NAA16: variants seen among roughly 807,000 people sequenced by gnomAD.
The protein encoded by NAA16 is N-alpha-acetyltransferase 16, NatA auxiliary subunit.
Under a neutral mutation model 110.3 loss-of-function variants are expected in NAA16, and 97 were observed. That is an observed-to-expected ratio of 0.88 (90% CI 0.75 to 1.04). NAA16 has a LOEUF of 1.04. NAA16 is among the 50% of genes least tolerant of loss of function. The pLI is 0.00. For missense variants in NAA16, 1,017 were observed against 1,005.1 expected (o/e 1.01, Z -0.16); for synonymous variants, 372 against 330.6 (o/e 1.13, Z -1.36).
chr13:41,374,483 C>A, intron 18 of NAA16: 1 of 262,948 alleles, frequency 3.8e-6, no homozygotes, highest in South Asian at 1.1e-4. Flanking sequence ...TAATAACCAT[C>A]ATTTTGTGAA....
At chr13:41,369,464 C>T (rs1028645250) in intron 15 of NAA16, among the ~76,000 whole-genome samples, 181 bp downstream of exon 15, 8 of 152,158 alleles carry the variant, frequency 5.3e-5, no homozygotes, top group African/African-American at 1.9e-4. Context: ...GCAAGTTATA[C>T]ATAGAATTGC....
At position 41,374,757 on chromosome 13, in the gene NAA16, A is replaced by G. The variant is rs377578590; in HGVS notation, c.2315A>G (p.Tyr772Cys). The G allele has an allele frequency of 1.2e-5, 20 of 1,610,840 alleles. No individual in the cohort carries two copies. The Middle Eastern group carries it at 1.3e-3, about 107-fold the overall frequency. The change falls in exon 19 of 20, where the codon TAT becomes TGT. Residue 772 changes from tyrosine to cysteine, a missense_variant. Coordinates refer to ENST00000379406, the MANE Select transcript of NAA16 (RefSeq NM_024561.5). The part of the protein sequence containing the change: ...QHLLSGAKMM[Y>C]FLDKSRQEKA... ...GGTATTTCAGGTGCTAAAATGATGT[A>G]TTTTCTGGACAAGTCAAGGCAGGAG...
chr13:41,358,124 T>C (rs2043033391), intron 10 of NAA16, among the ~76,000 whole-genome samples, 180 bp from the exon 11 acceptor site: 1 of 152,232 alleles, frequency 6.6e-6, no homozygotes, highest in Non-Finnish European at 1.5e-5. Context: ...TTTCTCTACA[T>C]GGCTGCCACT....
chr13:41,347,000 C>T (rs1423880850), intron 9 of NAA16, among the ~76,000 whole-genome samples: 1 of 151,894 alleles, frequency 6.6e-6, no homozygotes, highest in East Asian at 1.9e-4. Flanking sequence ...GGGTGGATCA[C>T]GAGGTCAAGA....
Position 41,367,644 on chromosome 13 carries a change from TA to T in NAA16, c.1748del (p.Asn583ThrfsTer10). 6.2e-7 allele frequency: 1 copy of T among 1,600,630 alleles called. No homozygotes were observed. The highest frequency in any genetic ancestry group is 8.5e-7 in the Non-Finnish European group (1 of 1,171,222). On this transcript the variant is annotated frameshift_variant, in exon 14 of 20. Transcript: ENST00000379406. LOFTEE classifies it high-confidence loss of function. ...PLTNESKQQE[I>X]NSENLSAKEL... ...ACCAATGAAAGCAAACAACAAGAAA[TA>T]AACTCAGGTAACTGAATAGGAACTT...
chr13:41,372,283 G>GT lies in NAA16; in HGVS notation c.2030dup (p.Leu677PhefsTer4). The GT allele has an allele frequency of 6.3e-7, 1 of 1,596,410 alleles. No homozygotes were observed. The highest frequency in any genetic ancestry group is 8.5e-7 in the Non-Finnish European group (1 of 1,172,794). ...TTGCTGATAACATTGACACTCATCTGTTAGCATTTGAAATATATTTTAGAA... is the reference window on the plus strand; with the variant it reads ...TTGCTGATAACATTGACACTCATCTGTTTAGCATTTGAAATATATTTTAGAA... On this transcript the variant is annotated frameshift_variant, in exon 16 of 20. Coordinates refer to ENST00000379406, the MANE Select transcript of NAA16 (RefSeq NM_024561.5). LOFTEE classifies it high-confidence loss of function.
At chr13:41,368,970 G>T in intron 14 of NAA16, 120 bp from the exon 15 acceptor site, 1 of 731,850 alleles carries the variant, frequency 1.4e-6, no homozygotes, top group South Asian at 2.5e-5. Context: ...TGGGGGTGGG[G>T]GTCATGAACC....
In NAA16 at chr13:41,311,533, C is replaced by T; in HGVS notation, c.5C>T (p.Pro2Leu). The change falls in exon 1 of 20, where the codon CCG (proline) becomes CTG (leucine). Residue 2 changes from proline (P) to leucine (L), a missense_variant. By Grantham distance (98) the Pro-to-Leu change is moderately conservative (BLOSUM62 -3). Coordinates refer to ENST00000379406, the MANE Select transcript of NAA16 (RefSeq NM_024561.5). ...CTAGCCTCCCTGCCGGCCACGATGC[C>T]GAACGTGCTGCTGCCGCCCAAGGAG... is the stretch of plus-strand genomic sequence containing the variant. M[P>L]NVLLPPKESN... 6.2e-7 allele frequency: 1 copy of T among 1,605,092 alleles called. No homozygotes were observed. Among genetic ancestry groups the T allele is most frequent in the Non-Finnish European group, 8.5e-7 (1 of 1,176,370 alleles).
At chr13:41,339,765 G>C (rs2042485614) in intron 9 of NAA16, among the ~76,000 whole-genome samples, 1 of 152,024 alleles carries the variant, frequency 6.6e-6, no homozygotes, top group Non-Finnish European at 1.5e-5. Context: ...TCATGATGTT[G>C]ACCAGGGTGG....
In NAA16 at chr13:41,355,233, T is replaced by C. The variant is rs995903802; in HGVS notation, c.1087+17T>C. ...GCCCATATGGTAAGTTTAAATTAGA[T>C]TGAATTGGAATTTGATTACTCATTT... On this transcript the variant is annotated intron_variant, in intron 10 of 19. Coordinates refer to ENST00000379406, the MANE Select transcript of NAA16 (RefSeq NM_024561.5). 3 of 1,458,788 alleles carry C rather than the reference T, an allele frequency of 2.1e-6. No homozygotes were observed. Among genetic ancestry groups the C allele is most frequent in the African/African-American group, 2.9e-5 (2 of 69,860 alleles). 90.4% of individuals were successfully genotyped at this position (1,458,788 alleles called of 1,614,324 possible).
At chr13:41,369,348 G>A (rs1247877350) in intron 15 of NAA16, 65 bp downstream of exon 15, 2 of 1,318,114 alleles carry the variant, frequency 1.5e-6, no homozygotes, top group East Asian at 5.1e-5. Flanking sequence ...CGTTCTGACA[G>A]TTAACATGAT....
intron 13 of NAA16, among the ~76,000 whole-genome samples, chr13:41,364,039 A>G (rs1173413064): frequency 6.6e-6 from 1 of 150,834 alleles, no homozygotes; most frequent in Non-Finnish European, 1.5e-5. Context: ...TAAATTTTCT[A>G]ATCTAAAATT....
chr13:41,311,310 G>A lies in NAA16; in HGVS notation c.-219G>A. 1.8e-6 allele frequency: 1 copy of A among 547,152 alleles called. No homozygotes were observed. Among genetic ancestry groups the A allele is most frequent in the African/African-American group, 2.0e-5 (1 of 49,940 alleles). The allele number at this position is 547,152 out of a possible 1,614,324, so 33.9% of individuals were successfully genotyped here. On this transcript the variant is annotated 5_prime_UTR_variant, in exon 1 of 20. Transcript: ENST00000379406. ...CGCCGCCGCCGCTGGCCAAAAAGCGGAGCCCAGGGGAAGCGTGTCCTGCTC... is the reference window on the plus strand; with the variant it reads ...CGCCGCCGCCGCTGGCCAAAAAGCGAAGCCCAGGGGAAGCGTGTCCTGCTC...
chr13:41,350,547 C>T (rs376374106), intron 9 of NAA16, among the ~76,000 whole-genome samples: 4 of 151,260 alleles, frequency 2.6e-5, no homozygotes, highest in East Asian at 1.9e-4. Flanking sequence ...CCACCCGCCT[C>T]GGCCTCCCAA....
rs372200706 is a variant in NAA16, at chr13:41,328,683, T to C, written c.692-41T>C. The C allele has an allele frequency of 2.6e-6, 4 of 1,528,054 alleles. No homozygotes were observed. The South Asian group carries it at 3.5e-5, about 13-fold the overall frequency. 94.7% of individuals were successfully genotyped at this position (1,528,054 alleles called of 1,614,324 possible). On this transcript the variant is annotated intron_variant, in intron 6 of 19. Transcript: ENST00000379406. ...TGAAGTCCCTGGGGTCAGATAGATA[T>C]TTAATGTTTAAAATGAATATGTCTT... is the stretch of plus-strand genomic sequence containing the variant.
intron 1 of NAA16, among the ~76,000 whole-genome samples, chr13:41,315,838 T>TGCACAGTGCAGTGGCACA (rs1393529759): frequency 1.5e-4 from 23 of 152,060 alleles, no homozygotes; most frequent in African/African-American, 4.8e-4. Context: ...GGCACAGTCA[T>TGCACAGTGCAGTGGCACA]GCCTTACTGC....
rs368632453 is a variant in NAA16 at position 41,372,331 on chromosome 13, C to G, written c.2056+20C>G. ...GAAAAGGTAATAAATAGTTTGAGTTCAGTTTTTAATCTTTAATTATATTTG... is the reference window on the plus strand; with the variant it reads ...GAAAAGGTAATAAATAGTTTGAGTTGAGTTTTTAATCTTTAATTATATTTG... On this transcript the variant is annotated intron_variant, in intron 16 of 19. Coordinates refer to ENST00000379406, the MANE Select transcript of NAA16 (RefSeq NM_024561.5). 7 of 1,553,694 alleles carry G rather than the reference C, an allele frequency of 4.5e-6. No individual in the cohort carries two copies. Among genetic ancestry groups the G allele is most frequent in the South Asian group, 1.2e-5 (1 of 80,858 alleles).
chr13:41,316,405 C>G (rs1380937149), intron 1 of NAA16, among the ~76,000 whole-genome samples: 1 of 150,894 alleles, frequency 6.6e-6, no homozygotes, highest in Non-Finnish European at 1.5e-5. Context: ...CTCCTGCGTT[C>G]AAGCGATTCT....
At chr13:41,346,117 G>C (rs1044568793) in intron 9 of NAA16, among the ~76,000 whole-genome samples, 3 of 152,074 alleles carry the variant, frequency 2.0e-5, no homozygotes, top group Non-Finnish European at 2.9e-5. Flanking sequence ...ATGTTTACTT[G>C]TAAGAGTTTG....
Sources: allele counts gnomAD v4.1 joint callset (sites outside exome capture counted in the v4.1 genomes callset), GRCh38; gene constraint gnomAD v4.1.1; transcripts MANE v1.5; gene names NCBI Gene and HGNC (gene_info 2026-07-23, HGNC 2026-07-21).